LINGO2: variants seen among roughly 807,000 people sequenced by gnomAD.
The protein encoded by LINGO2 is leucine-rich repeat and immunoglobulin-like domain-containing nogo receptor-interacting protein 2.
In LINGO2, 14 loss-of-function variants were observed where a neutral mutation model predicts 30.6. That is an observed-to-expected ratio of 0.46 (90% confidence interval 0.30 to 0.72). LINGO2 has a LOEUF of 0.72. Among genes scored for constraint, LINGO2 ranks in the 30% least tolerant of loss-of-function variants. LINGO2 has a pLI of 0.07. For missense variants in LINGO2, 729 were observed against 751.7 expected, an observed-to-expected ratio of 0.97 and a Z score of 0.35; for synonymous variants, 317 against 288.5, an observed-to-expected ratio of 1.10 and a Z score of -1.00.
chr9:28,087,382 A>G (rs2133245575), intron 4 of LINGO2, among the ~76,000 whole-genome samples: 1 of 152,234 alleles, frequency 6.6e-6, no homozygotes, highest in Middle Eastern at 3.4e-3. Flanking sequence ...TATGTGTTTT[A>G]CCAATATTTC....
chr9:28,915,761 T>A, the LINGO2 span, among the ~76,000 whole-genome samples: 2 of 152,128 alleles, frequency 1.3e-5, no homozygotes, highest in Admixed American at 6.6e-5. Flanking sequence ...GAGACCAGAT[T>A]TACCAAGATA....
chr9:28,095,880 C>A (rs1339109594), intron 4 of LINGO2, among the ~76,000 whole-genome samples: 1 of 152,024 alleles, frequency 6.6e-6, no homozygotes, highest in East Asian at 1.9e-4. Flanking sequence ...ACAAACAACC[C>A]CATCAAAAAG....
intron 5 of LINGO2, among the ~76,000 whole-genome samples, chr9:27,977,880 C>T (rs1820678432): frequency 6.6e-6 from 1 of 151,868 alleles, no homozygotes; most frequent in Non-Finnish European, 1.5e-5. Flanking sequence ...AAATAGATCT[C>T]ATATTAAACA....
the LINGO2 span, among the ~76,000 whole-genome samples, chr9:28,787,653 C>A: frequency 0.041 from 6,230 of 152,126 alleles, 200 homozygotes; most frequent in Admixed American, 0.084. Flanking sequence ...CATTTAGAAT[C>A]TTGTCCTTAG....
the LINGO2 span, among the ~76,000 whole-genome samples, chr9:28,765,477 G>T: frequency 6.6e-6 from 1 of 152,064 alleles, no homozygotes; most frequent in African/African-American, 2.4e-5. Flanking sequence ...GAGGTGTTTG[G>T]ATCAGGAGGA....
chr9:29,010,099 A>G, the LINGO2 span, among the ~76,000 whole-genome samples: 1 of 152,170 alleles, frequency 6.6e-6, no homozygotes, highest in Non-Finnish European at 1.5e-5. Context: ...CCTAGGCAAT[A>G]CCATTCAGGA....
At chr9:28,435,899 G>C (rs983939055) in intron 2 of LINGO2, among the ~76,000 whole-genome samples, 4 of 152,244 alleles carry the variant, frequency 2.6e-5, no homozygotes, top group Admixed American at 2.6e-4. Flanking sequence ...AGTGCACTGG[G>C]GACGTGAGAT....
exon 6 of LINGO2, chr9:27,949,884 G>C (rs756070665): frequency 6.2e-7 from 1 of 1,614,032 alleles, no homozygotes; most frequent in Non-Finnish European, 8.5e-7. Context: ...GAAGGGTACA[G>C]TAGACAGATT....
chr9:28,254,488 T>C lies in LINGO2; in HGVS notation c.-87+40720A>G, dbSNP rs913337139. Among the ~76,000 whole-genome samples, 6 of 152,226 alleles carry C rather than the reference T, an allele frequency of 3.9e-5. No homozygotes were observed. The South Asian group carries it at 1.0e-3, about 26-fold the overall frequency. Reference sequence around the variant, plus strand: ...TTCCTAGATGAAAGATAGACACATATGTATTTATTTCATATCTGGTGCAAA... The same window carrying C: ...TTCCTAGATGAAAGATAGACACATACGTATTTATTTCATATCTGGTGCAAA... On this transcript the variant is annotated intron_variant, in intron 4 of 5. Transcript: ENST00000379992.
At chr9:29,085,123 T>C in the LINGO2 span, among the ~76,000 whole-genome samples, 76 of 151,872 alleles carry the variant, frequency 5.0e-4, no homozygotes, top group African/African-American at 1.8e-3. Flanking sequence ...TGTTCCTAAA[T>C]CGATCTATTT....
At chr9:28,390,718 TCTC>T (rs1821794718) in intron 2 of LINGO2, among the ~76,000 whole-genome samples, 1 of 152,158 alleles carries the variant, frequency 6.6e-6, no homozygotes, top group African/African-American at 2.4e-5. Flanking sequence ...ACATCTGACT[TCTC>T]CTAGGTAAAA....
chr9:28,827,453 C>A, the LINGO2 span, among the ~76,000 whole-genome samples: 1 of 152,166 alleles, frequency 6.6e-6, no homozygotes, highest in Non-Finnish European at 1.5e-5. Flanking sequence ...TTTAATCGCT[C>A]TATGCCTCAG....
intron 4 of LINGO2, among the ~76,000 whole-genome samples, chr9:28,226,549 C>T (rs1364889955): frequency 7.0e-6 from 1 of 143,640 alleles, no homozygotes; most frequent in African/African-American, 2.6e-5. Context: ...AAATAGAACA[C>T]ATCATTGAGG....
chr9:28,438,868 ATACATTAT>A (rs1824065845), intron 2 of LINGO2, among the ~76,000 whole-genome samples: 1 of 145,552 alleles, frequency 6.9e-6, no homozygotes, highest in Admixed American at 6.9e-5. Flanking sequence ...ATATATATTT[ATACATTAT>A]ATATAGTGAA....
the LINGO2 span, among the ~76,000 whole-genome samples, chr9:29,198,873 C>T: frequency 1.7e-4 from 26 of 152,188 alleles, no homozygotes; most frequent in Non-Finnish European, 3.7e-4. Flanking sequence ...AGAAATATTA[C>T]GCATGTAACT....
chr9:28,789,647 G>T, the LINGO2 span, among the ~76,000 whole-genome samples: 1 of 152,268 alleles, frequency 6.6e-6, no homozygotes, highest in Admixed American at 6.5e-5. Flanking sequence ...AAAAATTAAG[G>T]TAAAGTTATT....
intron 4 of LINGO2, among the ~76,000 whole-genome samples, chr9:28,190,298 C>G (rs956540637): frequency 6.6e-6 from 1 of 152,026 alleles, no homozygotes; most frequent in African/African-American, 2.4e-5. Context: ...GTAGCTTGTG[C>G]AGAGTTGCAC....
At chr9:28,988,119 A>T in the LINGO2 span, among the ~76,000 whole-genome samples, 1 of 152,142 alleles carries the variant, frequency 6.6e-6, no homozygotes, top group East Asian at 1.9e-4. Context: ...TCCTTTATTG[A>T]AAAGTTATAT....
chr9:28,766,582 C>G, the LINGO2 span, among the ~76,000 whole-genome samples: 1 of 151,676 alleles, frequency 6.6e-6, no homozygotes, highest in East Asian at 1.9e-4. Flanking sequence ...GAATATGTAC[C>G]CCAAAGGAGT....
Sources: gnomAD v4.1 joint callset for allele counts (sites outside exome capture counted in the v4.1 genomes callset) on GRCh38, gnomAD v4.1.1 for gene constraint, MANE v1.5 for transcripts, NCBI Gene and HGNC (gene_info 2026-07-23, HGNC 2026-07-21) for gene names.